Variants in ATG4B observed in about 807,000 individuals in gnomAD.
ATG4B encodes cysteine protease ATG4B.
ATG4B carries 29 observed loss-of-function variants against 56.6 expected under a neutral mutation model. The observed-to-expected ratio is 0.51, with a 90% confidence interval of 0.38 to 0.70. The LOEUF is 0.70. Among genes scored for constraint, ATG4B ranks in the 30% least tolerant of loss-of-function variants. The pLI is 0.00. For missense variants in ATG4B, 461 were observed against 515.5 expected, an observed-to-expected ratio of 0.89 and a Z score of 1.02; for synonymous variants, 224 against 206.1, an observed-to-expected ratio of 1.09 and a Z score of -0.74.
chr2:241,647,930 A>G (rs6720490), intron 1 of ATG4B, among the ~76,000 whole-genome samples: 28,431 of 151,958 alleles, frequency 0.19, 2,719 homozygotes, highest in Non-Finnish European at 0.21. Context: ...CCTGGCTAAC[A>G]CAGTGAAACC....
rs1173037380 is a variant in ATG4B, at chr2:241,651,898, T to C, written c.184+563T>C. On this transcript the variant is annotated intron_variant, in intron 3 of 12. Coordinates refer to ENST00000404914, the MANE Select transcript of ATG4B (RefSeq NM_013325.5). The surrounding 1 kb of genome is among the most constrained non-coding windows in gnomAD (Gnocchi z 4.1). ...TCTGTTAAAAGCCATTCATCATTGTTGTATACCCTGGAGCTGGAAGGAGAT... is the reference window on the plus strand; with the variant it reads ...TCTGTTAAAAGCCATTCATCATTGTCGTATACCCTGGAGCTGGAAGGAGAT... 1 of 1,303,954 alleles carries C rather than the reference T, an allele frequency of 7.7e-7. No individual in the cohort carries two copies. Among genetic ancestry groups the C allele is most frequent in the Non-Finnish European group, 1.0e-6 (1 of 988,778 alleles). The allele number at this position is 1,303,954 out of a possible 1,614,324, so 80.8% of individuals were successfully genotyped here. A position where few individuals can be genotyped will look rare whatever the true frequency, so the allele number is the denominator to read the frequency against.
At chr2:241,666,454 T>C in intron 7 of ATG4B, 191 bp from the exon 8 acceptor site, 1 of 628,030 alleles carries the variant, frequency 1.6e-6, no homozygotes, top group Admixed American at 2.9e-5. Context: ...AACTATTTCT[T>C]TTTTCTCTGG....
intron 1 of ATG4B, among the ~76,000 whole-genome samples, chr2:241,641,549 C>CA (rs774218463): frequency 0.051 from 3,601 of 70,504 alleles, 85 homozygotes; most frequent in African/African-American, 0.096. Flanking sequence ...GACTCTGTCT[C>CA]AAAAAAAAAA....
At position 241,666,707 on chromosome 2, in the gene ATG4B, C is replaced by G. The variant is rs1054245776; in HGVS notation, c.601C>G (p.Arg201Gly). Reference sequence around the variant, plus strand: ...CACTGCGTTTCCTGCAGATTCCGACCGGCACTGCAACGGATTCCCTGCCGG... The same window carrying G: ...CACTGCGTTTCCTGCAGATTCCGACGGGCACTGCAACGGATTCCCTGCCGG... Reference protein sequence around the residue: ...GATAFPADSDRHCNGFPAGAE... With the variant: ...GATAFPADSDGHCNGFPAGAE... The change falls in exon 8 of 13, where the codon CGG (arginine) becomes GGG (glycine). Residue 201 changes from arginine (R) to glycine (G), a missense_variant. Transcript: ENST00000404914. 1.2e-6 allele frequency: 2 copies of G among 1,612,852 alleles called. No homozygotes were observed. Among genetic ancestry groups the G allele is most frequent in the Non-Finnish European group, 8.5e-7 (1 of 1,179,524 alleles).
In ATG4B at chr2:241,651,241, T is replaced by C; in HGVS notation, c.113-23T>C. On this transcript the variant is annotated intron_variant, in intron 2 of 12. Coordinates refer to ENST00000404914, the MANE Select transcript of ATG4B (RefSeq NM_013325.5). The surrounding 1 kb of genome is among the most constrained non-coding windows in gnomAD (Gnocchi z 4.1). ...CTTAAGGCGTTGTGTGTGTGTGTTT[T>C]TTTTCTTTTAAACAACCTCTAGAAA... 6.3e-7 allele frequency: 1 copy of C among 1,585,290 alleles called. No homozygotes were observed. Among genetic ancestry groups the C allele is most frequent in the Non-Finnish European group, 8.6e-7 (1 of 1,165,014 alleles).
chr2:241,671,766 C>A, intron 12 of ATG4B: 1 of 1,288,068 alleles, frequency 7.8e-7, no homozygotes, highest in Non-Finnish European at 9.9e-7. Context: ...CCATGGGTGG[C>A]GTAGACCCCT....
At position 241,643,516 on chromosome 2, in the gene ATG4B, A is replaced by G. The variant is rs533091980; in HGVS notation, c.10+5792A>G. On this transcript the variant is annotated intron_variant, in intron 1 of 12. Transcript: ENST00000404914. ...GCCACGGCACCTGGCCTTACATGTC[A>G]TCTTATTTCAAATTAATATCATTAC... is the stretch of plus-strand genomic sequence containing the variant. 4.0e-5 allele frequency among the ~76,000 whole-genome samples: 6 copies of G among 149,060 alleles called. No individual in the cohort carries two copies. In the South Asian group the frequency reaches 1.1e-3, roughly 26 times the overall value.
intron 12 of ATG4B, chr2:241,671,924 G>A (rs1262539294): frequency 1.6e-5 from 22 of 1,372,460 alleles, no homozygotes; most frequent in Non-Finnish European, 1.9e-5. Flanking sequence ...TGACCACGAG[G>A]GTCAGACGCG....
Position 241,643,662 on chromosome 2 carries a change from ACG to A in ATG4B, c.10+5939_10+5940del, listed in dbSNP as rs2067973657. Among the ~76,000 whole-genome samples, 12 of 64,868 alleles carry A rather than the reference ACG, an allele frequency of 1.8e-4. No homozygotes were observed. The East Asian group carries it at 0.012, about 63-fold the overall frequency. 42.6% of individuals were successfully genotyped at this position (64,868 alleles called of 152,430 possible). A position where few individuals can be genotyped will look rare whatever the true frequency, so the allele number is the denominator to read the frequency against. On this transcript the variant is annotated intron_variant, in intron 1 of 12. Coordinates refer to ENST00000404914, the MANE Select transcript of ATG4B (RefSeq NM_013325.5). ...CACATATATGTATAAATATATATAT[ACG>A]TGTGTGTGTGTGTGTGTATGTATAT... is the stretch of plus-strand genomic sequence containing the variant.
chr2:241,654,807 C>T (rs1440636396), intron 5 of ATG4B, 160 bp downstream of exon 5: 1 of 638,954 alleles, frequency 1.6e-6, no homozygotes, highest in Non-Finnish European at 2.8e-6. Flanking sequence ...GCTGTCACAT[C>T]ACCCCCGTGT....
chr2:241,663,999 G>A (rs918696044), intron 7 of ATG4B, among the ~76,000 whole-genome samples: 2 of 151,898 alleles, frequency 1.3e-5, no homozygotes, highest in Non-Finnish European at 2.9e-5. Flanking sequence ...TAGTGGAGAT[G>A]GGGTTTCACC....
chr2:241,657,496 G>A (rs574932706), intron 6 of ATG4B, among the ~76,000 whole-genome samples: 1 of 150,366 alleles, frequency 6.7e-6, no homozygotes, highest in Admixed American at 6.6e-5. Context: ...GTGGAGACAA[G>A]GTTTCACCAT....
intron 7 of ATG4B, 132 bp downstream of exon 7, chr2:241,659,319 G>A (rs2068517098): frequency 1.2e-6 from 1 of 806,442 alleles, no homozygotes; most frequent in Non-Finnish European, 2.1e-6. Flanking sequence ...TGCTCCGTGG[G>A]GCCTGTGCGC....
chr2:241,666,790 G>C lies in ATG4B; in HGVS notation c.684G>C (p.Leu228=). The change falls in exon 8 of 13, where the codon CTG becomes CTC. Residue 228 remains leucine (L), a synonymous_variant. Transcript: ENST00000404914. ...PWRPLVLLIP[L]RLGLTDINEA... Reference sequence around the variant, plus strand: ...GACCCCTGGTACTTCTCATTCCCCTGCGCCTGGGGCTCACGGACATCAACG... The same window carrying C: ...GACCCCTGGTACTTCTCATTCCCCTCCGCCTGGGGCTCACGGACATCAACG... 1.3e-6 allele frequency: 2 copies of C among 1,585,106 alleles called. No individual in the cohort carries two copies. The highest frequency in any genetic ancestry group is 1.7e-6 in the Non-Finnish European group (2 of 1,165,670).
In ATG4B at chr2:241,668,847, T is replaced by G. The variant is rs769428140; in HGVS notation, c.957+162T>G. 9.5e-7 allele frequency: 1 copy of G among 1,055,790 alleles called. No homozygotes were observed. Among genetic ancestry groups the G allele is most frequent in the Non-Finnish European group, 1.3e-6 (1 of 742,194 alleles). 65.4% of individuals were successfully genotyped at this position (1,055,790 alleles called of 1,614,324 possible). ...GAAGGGTATAAGAGCCGGAACTGTG[T>G]CCTTGCACCCTCACGTCCCTCCCCC... On this transcript the variant is annotated intron_variant, in intron 10 of 12. Coordinates refer to ENST00000404914, the MANE Select transcript of ATG4B (RefSeq NM_013325.5). This position sits in a 1 kb window ranked among gnomAD's most constrained non-coding sequence, Gnocchi z 4.2.
rs907574187 is a variant in ATG4B, at chr2:241,659,439, T to C, written c.538+252T>C. Reference sequence around the variant, plus strand: ...TTGGTATCTCACGTCGTGTTTTGTGTCTTGGTTACAAATCGTTTATGAAGG... The same window carrying C: ...TTGGTATCTCACGTCGTGTTTTGTGCCTTGGTTACAAATCGTTTATGAAGG... On this transcript the variant is annotated intron_variant, in intron 7 of 12. Transcript: ENST00000404914. The C allele has an allele frequency of 1.4e-5, 8 of 560,844 alleles. No individual in the cohort carries two copies. The East Asian group carries it at 3.1e-4, about 22-fold the overall frequency. 34.7% of individuals were successfully genotyped at this position (560,844 alleles called of 1,614,324 possible). A position where few individuals can be genotyped will look rare whatever the true frequency, so the allele number is the denominator to read the frequency against.
rs543225920 is a variant in ATG4B at position 241,664,930 on chromosome 2, C to G, written c.539-1715C>G. On this transcript the variant is annotated intron_variant, in intron 7 of 12. Coordinates refer to ENST00000404914, the MANE Select transcript of ATG4B (RefSeq NM_013325.5). The stretch of plus-strand genomic sequence containing the variant: ...AGTGAACCGAGATTATGCCACTGCA[C>G]TCCAGCCTGGACAACAGAGAATCGG... Among the ~76,000 whole-genome samples the G allele has an allele frequency of 1.6e-4, 25 of 152,276 alleles. 1 individual carries two copies. In the South Asian group the frequency reaches 5.2e-3, roughly 32 times the overall value.
intron 1 of ATG4B, 49 bp from the exon 2 acceptor site, chr2:241,650,961 T>C (rs780628816): frequency 1.3e-6 from 2 of 1,493,924 alleles, no homozygotes; most frequent in Non-Finnish European, 1.8e-6. Context: ...TCGATACTAG[T>C]TTATGAAATT....
intron 7 of ATG4B, among the ~76,000 whole-genome samples, chr2:241,660,851 C>G (rs1042981717): frequency 3.3e-5 from 5 of 152,164 alleles, no homozygotes; most frequent in Admixed American, 3.3e-4. Context: ...CCCCTCGTTC[C>G]GCACGCGTGC....
Sources: gnomAD v4.1 joint callset for allele counts (sites outside exome capture counted in the v4.1 genomes callset) on GRCh38, gnomAD v4.1.1 for gene constraint, Gnocchi (gnomAD v3.1) non-coding constraint, MANE v1.5 for transcripts, NCBI Gene and HGNC (gene_info 2026-07-23, HGNC 2026-07-21) for gene names.